Variants in DMD observed in about 807,000 individuals in gnomAD.
The protein encoded by DMD is mutant dystrophin.
Under a neutral mutation model 330.1 loss-of-function variants are expected in DMD, and 63 were observed. The ratio of observed to expected loss-of-function variants is 0.19; its 90% CI spans 0.16 to 0.24. The LOEUF (loss-of-function observed/expected upper bound fraction) is 0.24, where lower values mean the gene tolerates loss of function less well. Ranked by LOEUF, DMD falls within the 10% of genes least tolerant of loss-of-function variation. The pLI, the probability that DMD is intolerant of heterozygous loss-of-function variation, is 1.00. For missense variants in DMD, 3,344 were observed against 2,684.1 expected (o/e 1.25, Z -5.43); for synonymous variants, 1,223 against 959.8 (o/e 1.27, Z -5.07).
At chrX:31,181,567 C>T (rs1602442908) in intron 68 of DMD, among the ~76,000 whole-genome samples, 1 of 111,605 alleles carries the variant, frequency 9.0e-6, no homozygotes, top group East Asian at 2.8e-4. Context: ...TCATTTTTAC[C>T]TGCCAAGAAA....
chrX:31,255,858 C>A (rs1478934237), intron 63 of DMD, among the ~76,000 whole-genome samples: 4 of 103,751 alleles, frequency 3.9e-5, no homozygotes, highest in Non-Finnish European at 7.8e-5. Flanking sequence ...TCATTGCAAC[C>A]TCCGACTCCT....
rs1193302041 is a variant in DMD at position 31,522,325 on chromosome X, TTC to T, written c.8218-14874_8218-14873del. Among the ~76,000 whole-genome samples the T allele has an allele frequency of 4.3e-3, 218 of 51,288 alleles. 8 individuals carry two copies. The highest frequency in any genetic ancestry group is 0.029 in the East Asian group (38 of 1,297). The allele number at this position is 51,288 out of a possible 115,157, so 44.5% of individuals were successfully genotyped here. On this transcript the variant is annotated intron_variant, in intron 55 of 78. Transcript: ENST00000357033. ...AGAGACAGAGTGGTAAGATCAAAAT[TTC>T]TCTCTCTCTCTCTCTCTCTCTCTCT...
intron 62 of DMD, among the ~76,000 whole-genome samples, chrX:31,295,594 T>C (rs1403455831): frequency 1.8e-5 from 2 of 111,352 alleles, no homozygotes; most frequent in African/African-American, 3.3e-5. Context: ...TTTGTATTTT[T>C]AGTAGAGATG....
intron 1 of DMD, among the ~76,000 whole-genome samples, chrX:33,139,881 A>AAAT (rs1569556266): frequency 1.8e-5 from 2 of 108,283 alleles, no homozygotes; most frequent in African/African-American, 6.8e-5. Context: ...AAAAAAAAAA[A>AAAT]AAAAAAAAAA....
chrX:33,291,125 T>C (rs1258074581), intron 1 of DMD, among the ~76,000 whole-genome samples: 1 of 111,280 alleles, frequency 9.0e-6, no homozygotes, highest in Non-Finnish European at 1.9e-5. Flanking sequence ...ATAAACATAA[T>C]CCAGCACATA....
intron 7 of DMD, among the ~76,000 whole-genome samples, chrX:32,787,216 G>A (rs1354777516): frequency 1.3e-4 from 4 of 31,680 alleles, no homozygotes; most frequent in Non-Finnish European, 3.6e-4. Context: ...TCTGTCAAGT[G>A]TGTGTGTGTG....
chrX:31,706,147 T>TA (rs59287838), intron 52 of DMD, among the ~76,000 whole-genome samples: 21,045 of 82,983 alleles, frequency 0.25, 2,877 homozygotes, highest in African/African-American at 0.45. Flanking sequence ...TTTTAGCTGT[T>TA]AAAAAAAAAA....
intron 19 of DMD, among the ~76,000 whole-genome samples, chrX:32,493,520 G>T (rs1365853483): frequency 9.0e-6 from 1 of 111,699 alleles, no homozygotes; most frequent in South Asian, 3.7e-4. Context: ...AAGCAATTGT[G>T]ACATGCTGTT....
At chrX:33,015,367 A>T (rs12835159) in intron 2 of DMD, among the ~76,000 whole-genome samples, 2 of 111,150 alleles carry the variant, frequency 1.8e-5, no homozygotes, top group African/African-American at 6.5e-5. Context: ...TTGCAGGGAC[A>T]TGGATGGAGT....
chrX:33,332,539 T>G (rs907791789), intron 1 of DMD, among the ~76,000 whole-genome samples: 1 of 111,430 alleles, frequency 9.0e-6, no homozygotes, highest in Admixed American at 9.6e-5. Context: ...CTCTGACTTA[T>G]ATTTTCCTGA....
Position 32,463,560 on chromosome X carries a change from C to A in DMD, c.3311G>T (p.Ser1104Ile). Residue 1104 changes from serine to isoleucine, a missense_variant, in exon 25 of 79, where the codon AGT (serine) becomes ATT (isoleucine). Physicochemically the swap from Ser to Ile is moderately radical, Grantham distance 142 (BLOSUM62 -2). Coordinates refer to ENST00000357033, the MANE Select transcript of DMD (RefSeq NM_004006.3). ...CCCACCTTCATTGACACTGTTTAGA[C>A]TGGGCTGAATTGTCTGAATATCACT... is the stretch of plus-strand genomic sequence containing the variant. ...LVSDIQTIQP[S>I]LNSVNEGGQK... 1 of 1,194,671 alleles carries A rather than the reference C, an allele frequency of 8.4e-7. No individual in the cohort carries two copies. Among genetic ancestry groups the A allele is most frequent in the Non-Finnish European group, 1.1e-6 (1 of 886,128 alleles).
intron 13 of DMD, among the ~76,000 whole-genome samples, chrX:32,579,822 T>G (rs2053459670): frequency 8.9e-6 from 1 of 112,948 alleles, no homozygotes; most frequent in Admixed American, 9.4e-5. Context: ...TTCATTAAAT[T>G]CTGCCTTTGC....
chrX:31,929,595 C>T lies in DMD; in HGVS notation c.6912+1G>A, dbSNP rs746082869. On this transcript the variant is annotated splice_donor_variant, in intron 47 of 78. Transcript: ENST00000357033. LOFTEE classifies it high-confidence loss of function. ...GACGGAAGAGATGGTTAATGTCTAA[C>T]CTTTATCCACTGGAGATTTGTCTGC... The T allele has an allele frequency of 8.3e-7, 1 of 1,210,642 alleles. No homozygotes were observed. Among genetic ancestry groups the T allele is most frequent in the Non-Finnish European group, 1.1e-6 (1 of 894,996 alleles).
chrX:32,030,428 T>C (rs889503511), intron 44 of DMD, among the ~76,000 whole-genome samples: 17 of 112,239 alleles, frequency 1.5e-4, no homozygotes, highest in African/African-American at 5.5e-4. Flanking sequence ...CACCAGATTG[T>C]GGAGTCTGTG....
intron 1 of DMD, among the ~76,000 whole-genome samples, chrX:33,025,518 C>T (rs2093980237): frequency 9.0e-6 from 1 of 110,827 alleles, no homozygotes; most frequent in Non-Finnish European, 1.9e-5. Flanking sequence ...AACAATTATT[C>T]CCATTACACA....
intron 67 of DMD, among the ~76,000 whole-genome samples, chrX:31,187,368 T>A (rs988199276): frequency 1.8e-5 from 2 of 112,201 alleles, no homozygotes; most frequent in African/African-American, 3.2e-5. Flanking sequence ...CTTCTTCATA[T>A]GACACGGCTT....
intron 1 of DMD, among the ~76,000 whole-genome samples, chrX:33,226,064 T>G (rs750735071): frequency 9.0e-6 from 1 of 111,300 alleles, no homozygotes; most frequent in Non-Finnish European, 1.9e-5. Context: ...TAAAAAATAG[T>G]GACAACATCA....
chrX:32,122,934 C>T (rs937814995), intron 44 of DMD, among the ~76,000 whole-genome samples: 12 of 109,052 alleles, frequency 1.1e-4, no homozygotes, highest in African/African-American at 3.3e-4. Context: ...CTAAGTTTAG[C>T]CAGACTTCAC....
intron 26 of DMD, among the ~76,000 whole-genome samples, chrX:32,450,932 C>T (rs1316596930): frequency 2.7e-5 from 3 of 110,916 alleles, no homozygotes; most frequent in Non-Finnish European, 5.7e-5. Context: ...AATCCAGGTA[C>T]ATATGAGGAA....
Sources: allele counts gnomAD v4.1 joint callset (sites outside exome capture counted in the v4.1 genomes callset), GRCh38; gene constraint gnomAD v4.1.1; transcripts MANE v1.5; gene names NCBI Gene and HGNC (gene_info 2026-07-23, HGNC 2026-07-21).